The following SMURF1 variants were observed in gnomAD, a reference collection of about 807,000 sequenced individuals.
SMURF1 encodes the protein SMAD specific E3 ubiquitin protein ligase 1, also known as E3 ubiquitin-protein ligase SMURF1.
In SMURF1, 44 loss-of-function variants were observed where a neutral mutation model predicts 98.0. The ratio of observed to expected loss-of-function variants is 0.45; its 90% CI spans 0.35 to 0.58. The LOEUF (loss-of-function observed/expected upper bound fraction) is 0.58, where lower values mean the gene tolerates loss of function less well. Among genes scored for constraint, SMURF1 ranks in the 20% least tolerant of loss-of-function variants. The probability of loss-of-function intolerance (pLI) is 0.00; values close to 1 mark genes in which losing one functional copy is unlikely to be tolerated. For synonymous variants in SMURF1, 396 were observed against 374.9 expected (o/e 1.06, Z -0.65); for missense variants, 687 against 938.4 (o/e 0.73, Z 3.50).
At chr7:99,096,267 T>C (rs987355549) in intron 1 of SMURF1, among the ~76,000 whole-genome samples, 1 of 152,140 alleles carries the variant, frequency 6.6e-6, no homozygotes, top group Non-Finnish European at 1.5e-5. Context: ...ACAAGTGACA[T>C]TGAAACCACA....
At position 99,052,517 on chromosome 7, in the gene SMURF1, G is replaced by C. The variant is rs1028357804; in HGVS notation, c.480-71C>G. ...TCACAAGACCAGCGCCTTAGGGCTAGTGTCCTAGGGGACACCGTCACATAA... is the reference window on the plus strand; with the variant it reads ...TCACAAGACCAGCGCCTTAGGGCTACTGTCCTAGGGGACACCGTCACATAA... On this transcript the variant is annotated intron_variant, in intron 6 of 17. Transcript: ENST00000361368. The C allele has an allele frequency of 6.3e-6, 9 of 1,431,268 alleles. No homozygotes were observed. The Admixed American group carries it at 7.8e-5, about 12-fold the overall frequency. 88.7% of individuals were successfully genotyped at this position (1,431,268 alleles called of 1,614,324 possible). A position where few individuals can be genotyped will look rare whatever the true frequency, so the allele number is the denominator to read the frequency against.
chr7:99,050,752 C>G (rs1433152585), intron 8 of SMURF1: 2 of 577,212 alleles, frequency 3.5e-6, no homozygotes, highest in African/African-American at 3.7e-5. Context: ...CTTGGAAAAT[C>G]AGACAGGAAG....
intron 1 of SMURF1, among the ~76,000 whole-genome samples, chr7:99,094,671 A>AC (rs1250771333): frequency 1.3e-5 from 2 of 151,806 alleles, no homozygotes; most frequent in Non-Finnish European, 2.9e-5. Flanking sequence ...AAAAAAAAAA[A>AC]AACTGTCACC....
chr7:99,117,894 A>G (rs1177663287), intron 1 of SMURF1, among the ~76,000 whole-genome samples: 1 of 151,958 alleles, frequency 6.6e-6, no homozygotes, highest in Non-Finnish European at 1.5e-5. Context: ...AGCCTGACCA[A>G]CATGCTGAAA....
At chr7:99,097,372 A>G (rs1429519229) in intron 1 of SMURF1, among the ~76,000 whole-genome samples, 1 of 152,212 alleles carries the variant, frequency 6.6e-6, no homozygotes, top group Admixed American at 6.5e-5. Context: ...CACCCCAAGG[A>G]GTAAATGTTG....
At chr7:99,135,972 G>A (rs935157568) in intron 1 of SMURF1, among the ~76,000 whole-genome samples, 3 of 152,126 alleles carry the variant, frequency 2.0e-5, no homozygotes, top group Non-Finnish European at 4.4e-5. Context: ...CTTTTAATTT[G>A]TAGTTTGTTT....
intron 7 of SMURF1, 119 bp downstream of exon 7, chr7:99,052,086 G>T: frequency 1.5e-6 from 2 of 1,377,212 alleles, no homozygotes; most frequent in Non-Finnish European, 1.9e-6. Context: ...CGTGAGCCAT[G>T]ATCATGCCAC....
intron 1 of SMURF1, among the ~76,000 whole-genome samples, chr7:99,075,633 A>G (rs7785256): frequency 0.072 from 8,901 of 124,060 alleles, 834 homozygotes; most frequent in African/African-American, 0.22. Flanking sequence ...TGATGTGGGG[A>G]AAAAAAAAAA....
At chr7:99,056,350 A>G (rs2150532844) in intron 5 of SMURF1, among the ~76,000 whole-genome samples, 1 of 152,312 alleles carries the variant, frequency 6.6e-6, no homozygotes, top group South Asian at 2.1e-4. Flanking sequence ...ACACTAATAC[A>G]AGTGGGTGGA....
Position 99,079,593 on chromosome 7 carries a change from C to A in SMURF1, c.56-17756G>T, listed in dbSNP as rs191686653. Among the ~76,000 whole-genome samples the A allele has an allele frequency of 1.1e-3, 164 of 152,274 alleles. 3 individuals carry two copies. The highest frequency in any genetic ancestry group is 6.3e-3 in the Admixed American group (97 of 15,294). On this transcript the variant is annotated intron_variant, in intron 1 of 17. Transcript: ENST00000361368. ...GAAAAGCTAACTACATACTAAGCTA[C>A]AAAAGAGACTTTAACAAATCTCCCA...
intron 17 of SMURF1, among the ~76,000 whole-genome samples, chr7:99,032,307 CACTACTGCCAGTCAT>C (rs1427550985): frequency 3.1e-4 from 47 of 152,214 alleles, no homozygotes; most frequent in African/African-American, 1.1e-3. Flanking sequence ...CTGACACAAG[CACTACTGCCAGTCAT>C]TGAGAATTGG....
rs1794806991 is a variant in SMURF1, at chr7:99,029,442, CGTTA to C, written c.*1138_*1141del. ...CTGGGCAAGTGAACCGAGTAGCAAT[CGTTA>C]GTGTCACCAGCTGCCACTGGGAAAG... On this transcript the variant is annotated 3_prime_UTR_variant, in exon 18 of 18. Coordinates refer to ENST00000361368, the MANE Select transcript of SMURF1 (RefSeq NM_181349.3). The C allele has an allele frequency of 6.6e-6, 1 of 152,224 alleles. No individual in the cohort carries two copies. The highest frequency in any genetic ancestry group is 1.5e-5 in the Non-Finnish European group (1 of 68,056). 9.4% of individuals were successfully genotyped at this position (152,224 alleles called of 1,614,324 possible). A position where few individuals can be genotyped will look rare whatever the true frequency, so the allele number is the denominator to read the frequency against.
rs151009155 is a variant in SMURF1 at position 99,069,443 on chromosome 7, C to T, written c.56-7606G>A. 5.3e-5 allele frequency among the ~76,000 whole-genome samples: 8 copies of T among 152,252 alleles called. No individual in the cohort carries two copies. The East Asian group carries it at 1.5e-3, about 29-fold the overall frequency. ...GCACGAACACAGCTCACTGCAGTCTCGAACTCCTGGGCTCCAGTGATGCTC... is the reference window on the plus strand; with the variant it reads ...GCACGAACACAGCTCACTGCAGTCTTGAACTCCTGGGCTCCAGTGATGCTC... On this transcript the variant is annotated intron_variant, in intron 1 of 17. Transcript: ENST00000361368.
chr7:99,084,595 G>A (rs768758574), intron 1 of SMURF1, among the ~76,000 whole-genome samples: 46 of 152,102 alleles, frequency 3.0e-4, no homozygotes, highest in Non-Finnish European at 5.6e-4. Context: ...TATATGGCCA[G>A]GATAGTCTCA....
At chr7:99,053,515 T>C (rs1795810516) in intron 6 of SMURF1, among the ~76,000 whole-genome samples, 1 of 152,216 alleles carries the variant, frequency 6.6e-6, no homozygotes, top group Admixed American at 6.5e-5. Flanking sequence ...ACACCTTGCA[T>C]GTGTAGCTAT....
At chr7:99,121,958 C>A (rs927620979) in intron 1 of SMURF1, among the ~76,000 whole-genome samples, 2 of 152,172 alleles carry the variant, frequency 1.3e-5, no homozygotes, top group Admixed American at 1.3e-4. Flanking sequence ...ACTGCGCCAT[C>A]TTGGTAGCTG....
At chr7:99,118,374 C>T (rs1797510179) in intron 1 of SMURF1, among the ~76,000 whole-genome samples, 1 of 152,268 alleles carries the variant, frequency 6.6e-6, no homozygotes, top group Admixed American at 6.5e-5. Flanking sequence ...CAGCATGATT[C>T]CCAATAGCCA....
At chr7:99,094,592 T>G (rs1317206009) in intron 1 of SMURF1, among the ~76,000 whole-genome samples, 2 of 151,994 alleles carry the variant, frequency 1.3e-5, no homozygotes, top group East Asian at 3.9e-4. Flanking sequence ...GAAGTCACAC[T>G]GATTCATTTG....
intron 3 of SMURF1, 79 bp downstream of exon 3, chr7:99,060,520 T>TTC: frequency 1.2e-6 from 1 of 823,546 alleles, no homozygotes; most frequent in East Asian, 2.9e-5. Flanking sequence ...TTTTTTTTTT[T>TTC]CTCTTGGATG....
Sources: allele counts gnomAD v4.1 joint callset (sites outside exome capture counted in the v4.1 genomes callset), GRCh38; gene constraint gnomAD v4.1.1; transcripts MANE v1.5; gene names NCBI Gene and HGNC (gene_info 2026-07-23, HGNC 2026-07-21).